Variants in KPNA7 observed in about 807,000 individuals in gnomAD.
KPNA7 encodes karyopherin subunit alpha 7.
Under a neutral mutation model 53.7 loss-of-function variants are expected in KPNA7, and 54 were observed. That is an observed-to-expected ratio of 1.01 (90% CI 0.81 to 1.26). KPNA7 has a LOEUF of 1.26. KPNA7 is among the 50% of genes most tolerant of loss of function. The probability of loss-of-function intolerance (pLI) is 0.00; values close to 1 mark genes in which losing one functional copy is unlikely to be tolerated. For missense variants in KPNA7, 640 were observed against 644.5 expected (o/e 0.99, Z 0.07); for synonymous variants, 276 against 259.3 (o/e 1.06, Z -0.62).
chr7:99,154,424 TG>T, the KPNA7 span, among the ~76,000 whole-genome samples: 1 of 152,042 alleles, frequency 6.6e-6, no homozygotes, highest in Non-Finnish European at 1.5e-5. Flanking sequence ...CCACCACACC[TG>T]GCAAAAATGC....
At chr7:99,208,758 A>C (rs951682573), upstream of KPNA7, among the ~76,000 whole-genome samples, 1 of 152,232 alleles carries the variant, frequency 6.6e-6, no homozygotes, top group African/African-American at 2.4e-5. Flanking sequence ...GGGAGCACCA[A>C]GACCACCAAT....
chr7:99,180,727 G>GTC (rs1381214843), intron 9 of KPNA7, among the ~76,000 whole-genome samples: 23 of 89,532 alleles, frequency 2.6e-4, no homozygotes, highest in African/African-American at 1.0e-3. Context: ...CTCCGTCTGT[G>GTC]TCTCTCTCTC....
intron 2 of KPNA7, among the ~76,000 whole-genome samples, chr7:99,206,911 T>C (rs148234573): frequency 1.3e-5 from 2 of 152,326 alleles, no homozygotes; most frequent in East Asian, 3.9e-4. Flanking sequence ...TAATATTTTA[T>C]GATGAAAATA....
intron 10 of KPNA7, among the ~76,000 whole-genome samples, chr7:99,175,772 A>G (rs2150695423): frequency 6.6e-6 from 1 of 152,026 alleles, no homozygotes; most frequent in Non-Finnish European, 1.5e-5. Context: ...TCAGCCTCCC[A>G]AAGTGCTGAG....
chr7:99,180,691 G>A (rs1476836160), intron 9 of KPNA7, among the ~76,000 whole-genome samples: 1 of 34,280 alleles, frequency 2.9e-5, no homozygotes, highest in African/African-American at 5.1e-5. Context: ...CTCCCCGTCT[G>A]TGTCTCTGTC....
intron 2 of KPNA7, among the ~76,000 whole-genome samples, chr7:99,206,248 C>T (rs140226184): frequency 3.3e-5 from 5 of 151,718 alleles, no homozygotes; most frequent in African/African-American, 1.2e-4. Context: ...GCAACCTCCA[C>T]CTCCCAGGTT....
chr7:99,160,597 A>G, the KPNA7 span, among the ~76,000 whole-genome samples: 2 of 152,114 alleles, frequency 1.3e-5, no homozygotes, highest in African/African-American at 4.8e-5. Context: ...GCCATCATCC[A>G]GTAAATTTTA....
At chr7:99,154,543 T>C in the KPNA7 span, among the ~76,000 whole-genome samples, 4 of 151,902 alleles carry the variant, frequency 2.6e-5, no homozygotes, top group Non-Finnish European at 5.9e-5. Flanking sequence ...TTTTTTTTTT[T>C]TCTCAAGACG....
chr7:99,205,069 A>C, intron 2 of KPNA7, among the ~76,000 whole-genome samples: 1 of 151,858 alleles, frequency 6.6e-6, no homozygotes, highest in East Asian at 2.0e-4. Context: ...GATTTCCTTT[A>C]ATTTTCAGTG....
At chr7:99,163,878 G>A in the KPNA7 span, among the ~76,000 whole-genome samples, 1 of 152,136 alleles carries the variant, frequency 6.6e-6, no homozygotes, top group South Asian at 2.1e-4. Flanking sequence ...CAAGCAACAG[G>A]AACCTACTCT....
intron 1 of KPNA7, among the ~76,000 whole-genome samples, chr7:99,215,233 G>C (rs1234760847): frequency 1.3e-5 from 2 of 151,810 alleles, no homozygotes; most frequent in African/African-American, 4.8e-5. Context: ...TTAGCTGGGC[G>C]TGGTGGTGGG....
At position 99,207,420 on chromosome 7, in the gene KPNA7, T is replaced by C; in HGVS notation, c.47A>G (p.Tyr16Cys). ...APEERRRKFK[Y>C]RGKDVSLRRQ... ...ACTCACAGACACATCTTTGCCTCGG[T>C]ACTTAAATTTTCTCCGCCTCTCTTC... The change falls in exon 2 of 11, where the codon TAC (tyrosine) becomes TGC (cysteine). Residue 16 changes from tyrosine to cysteine, a missense_variant. Transcript: ENST00000327442. 3 of 1,551,434 alleles carry C rather than the reference T, an allele frequency of 1.9e-6. No homozygotes were observed. Among genetic ancestry groups the C allele is most frequent in the Non-Finnish European group, 2.6e-6 (3 of 1,146,910 alleles).
Position 99,188,382 on chromosome 7 carries a change from T to C in KPNA7, c.818A>G (p.Asn273Ser), listed in dbSNP as rs1789741682. ...GTTAACCACTTGGCCGATGCGCTTG[T>C]TGGAGCCGTCGGTGAGGTAGGACAG... is the stretch of plus-strand genomic sequence containing the variant. Reference protein sequence around the residue: ...WALSYLTDGSNKRIGQVVNTG... With the variant: ...WALSYLTDGSSKRIGQVVNTG... The change falls in exon 7 of 11, where the codon AAC (asparagine) becomes AGC (serine). Residue 273 changes from asparagine (N) to serine (S), a missense_variant. Coordinates refer to ENST00000327442, the MANE Select transcript of KPNA7 (RefSeq NM_001145715.3). The C allele has an allele frequency of 6.4e-7, 1 of 1,551,388 alleles. No homozygotes were observed.
At chr7:99,166,643 G>A in the KPNA7 span, among the ~76,000 whole-genome samples, 1 of 150,740 alleles carries the variant, frequency 6.6e-6, no homozygotes, top group East Asian at 2.0e-4. Flanking sequence ...TTTTTGAGAT[G>A]AAGTTTCACC....
chr7:99,205,410 C>CA (rs61410237), intron 2 of KPNA7, among the ~76,000 whole-genome samples: 4,455 of 109,228 alleles, frequency 0.041, 104 homozygotes, highest in East Asian at 0.094. Flanking sequence ...GACTCCATCT[C>CA]AAAAAAAAAA....
At chr7:99,205,887 G>A (rs531190067) in intron 2 of KPNA7, among the ~76,000 whole-genome samples, 11 of 152,230 alleles carry the variant, frequency 7.2e-5, no homozygotes, top group Middle Eastern at 3.4e-3. Flanking sequence ...GACAGAGCTT[G>A]CAACACAAAA....
the KPNA7 span, among the ~76,000 whole-genome samples, chr7:99,156,147 C>G: frequency 8.5e-5 from 13 of 152,100 alleles, no homozygotes; most frequent in African/African-American, 2.9e-4. Context: ...AATTTACTTC[C>G]TTTCTTGATG....
At chr7:99,191,184 A>T (rs537354995) in intron 6 of KPNA7, among the ~76,000 whole-genome samples, 2 of 142,310 alleles carry the variant, frequency 1.4e-5, no homozygotes, top group East Asian at 2.1e-4. Context: ...TTTGAGATGG[A>T]GTCTTGCTCT....
chr7:99,215,934 A>C (rs1015916826), intron 1 of KPNA7, among the ~76,000 whole-genome samples: 1 of 151,638 alleles, frequency 6.6e-6, no homozygotes, highest in Non-Finnish European at 1.5e-5. Flanking sequence ...TTATGATTGC[A>C]CCACTACGCT....
Sources: gnomAD v4.1 joint callset for allele counts (sites outside exome capture counted in the v4.1 genomes callset) on GRCh38, gnomAD v4.1.1 for gene constraint, MANE v1.5 for transcripts, NCBI Gene and HGNC (gene_info 2026-07-23, HGNC 2026-07-21) for gene names.